Variants in CAP2 observed in about 807,000 individuals in gnomAD.
The protein encoded by CAP2 is cyclase associated actin cytoskeleton regulatory protein 2.
A neutral mutation model predicts 57.7 loss-of-function variants in CAP2; 24 were observed. The observed-to-expected ratio is 0.42, with a 90% CI of 0.30 to 0.58. CAP2 has a LOEUF of 0.58. Among genes scored for constraint, CAP2 ranks in the 20% least tolerant of loss-of-function variants. The pLI is 0.22. For missense variants in CAP2, 501 were observed against 590.3 expected, an observed-to-expected ratio of 0.85 and a Z score of 1.57; for synonymous variants, 194 against 207.2, an observed-to-expected ratio of 0.94 and a Z score of 0.55.
chr6:17,477,350 CTTTAT>C (rs2113617069), intron 4 of CAP2, among the ~76,000 whole-genome samples: 1 of 152,156 alleles, frequency 6.6e-6, no homozygotes, highest in Non-Finnish European at 1.5e-5. Flanking sequence ...ATTTTTGCAC[CTTTAT>C]TTTGAGTCAG....
At chr6:17,429,947 C>T (rs2328103) in intron 3 of CAP2, among the ~76,000 whole-genome samples, 14,095 of 152,196 alleles carry the variant, frequency 0.093, 2,199 homozygotes, top group African/African-American at 0.32. Context: ...GGGGGTTGAA[C>T]TTTATTCCAA....
chr6:17,483,891 C>T (rs1255019105), intron 4 of CAP2, among the ~76,000 whole-genome samples: 1 of 151,956 alleles, frequency 6.6e-6, no homozygotes, highest in African/African-American at 2.4e-5. Context: ...CCTGAAAAAA[C>T]CCAGAGGAGC....
At chr6:17,399,191 G>A (rs370023722) in intron 1 of CAP2, among the ~76,000 whole-genome samples, 1 of 152,182 alleles carries the variant, frequency 6.6e-6, no homozygotes, top group Non-Finnish European at 1.5e-5. Context: ...AGCCTTCCCA[G>A]TGCTGGGATT....
chr6:17,443,285 T>G (rs1760145213), intron 3 of CAP2, among the ~76,000 whole-genome samples: 1 of 152,082 alleles, frequency 6.6e-6, no homozygotes, highest in Admixed American at 6.6e-5. Flanking sequence ...TTTAGAGGAT[T>G]GTTTCCAATG....
intron 7 of CAP2, chr6:17,536,210 T>C (rs994430883): frequency 4.4e-6 from 2 of 456,746 alleles, no homozygotes. Context: ...TAGAAAGTTC[T>C]CCTGTCATGT....
intron 3 of CAP2, among the ~76,000 whole-genome samples, chr6:17,442,391 G>A (rs955038499): frequency 4.6e-5 from 7 of 152,250 alleles, no homozygotes; most frequent in South Asian, 2.1e-4. Flanking sequence ...TTCTGTGTTC[G>A]CTGACATAAG....
intron 3 of CAP2, among the ~76,000 whole-genome samples, chr6:17,444,080 G>A (rs1760175185): frequency 6.6e-6 from 1 of 152,140 alleles, no homozygotes; most frequent in Admixed American, 6.5e-5. Context: ...TCATATACAG[G>A]TAAAGTAGCA....
chr6:17,461,618 C>A (rs141377259), intron 3 of CAP2, among the ~76,000 whole-genome samples: 51 of 152,106 alleles, frequency 3.4e-4, no homozygotes, highest in African/African-American at 1.2e-3. Flanking sequence ...TTCTTAAAAA[C>A]TAGAAAAAAA....
In CAP2 at chr6:17,416,101, G is replaced by A. The variant is rs1279210811; in HGVS notation, c.-1-5454G>A. Reference sequence around the variant, plus strand: ...AAATATGTTCAGAGGGAAAAATAACGAATTACATACCACAATTTTCATTTT... The same window carrying A: ...AAATATGTTCAGAGGGAAAAATAACAAATTACATACCACAATTTTCATTTT... On this transcript the variant is annotated intron_variant, in intron 1 of 12. Coordinates refer to ENST00000229922, the MANE Select transcript of CAP2 (RefSeq NM_006366.3). Among the ~76,000 whole-genome samples, 5 of 151,156 alleles carry A rather than the reference G, an allele frequency of 3.3e-5. No individual in the cohort carries two copies. The East Asian group carries it at 7.7e-4, about 23-fold the overall frequency.
intron 1 of CAP2, among the ~76,000 whole-genome samples, chr6:17,405,319 T>C (rs1311085473): frequency 6.6e-6 from 1 of 152,100 alleles, no homozygotes; most frequent in Non-Finnish European, 1.5e-5. Flanking sequence ...GAGGCAAAGG[T>C]TGCAGTGAGC....
chr6:17,528,847 G>C (rs533648155), intron 7 of CAP2, among the ~76,000 whole-genome samples: 2 of 152,084 alleles, frequency 1.3e-5, no homozygotes, highest in Non-Finnish European at 2.9e-5. Context: ...GCACTTCACT[G>C]TGGTATTATT....
intron 3 of CAP2, among the ~76,000 whole-genome samples, chr6:17,456,144 C>T (rs1260839028): frequency 2.0e-5 from 3 of 152,184 alleles, no homozygotes; most frequent in Admixed American, 2.0e-4. Flanking sequence ...TGTAGAAATG[C>T]GAATTCTCGG....
At chr6:17,445,790 C>T (rs1169708413) in intron 3 of CAP2, among the ~76,000 whole-genome samples, 1 of 152,224 alleles carries the variant, frequency 6.6e-6, no homozygotes, top group Non-Finnish European at 1.5e-5. Flanking sequence ...ACTTGGAAGA[C>T]ATTCTCCCAT....
intron 3 of CAP2, among the ~76,000 whole-genome samples, chr6:17,448,196 T>G (rs1760311959): frequency 6.6e-6 from 1 of 152,272 alleles, no homozygotes; most frequent in African/African-American, 2.4e-5. Flanking sequence ...AGTACCTTGT[T>G]GTCTCTGATT....
rs71536724 is a variant in CAP2 at position 17,398,528 on chromosome 6, C to CTT, written c.-2+4795_-2+4796dup. 1.7e-3 allele frequency among the ~76,000 whole-genome samples: 241 copies of CTT among 144,570 alleles called. 1 individual carries two copies. Among genetic ancestry groups the CTT allele is most frequent in the South Asian group, 5.3e-3 (24 of 4,518 alleles). The allele number at this position is 144,570 out of a possible 152,430, so 94.8% of individuals were successfully genotyped here. ...TATATATAAAATTTACGATTTTAAA[C>CTT]TTTTTTTTTTTTTTGAGACAGAGTC... On this transcript the variant is annotated intron_variant, in intron 1 of 12. Coordinates refer to ENST00000229922, the MANE Select transcript of CAP2 (RefSeq NM_006366.3).
intron 4 of CAP2, among the ~76,000 whole-genome samples, chr6:17,496,027 T>TGGCGGGGG (rs3075209): frequency 1.8e-4 from 8 of 44,312 alleles, no homozygotes; most frequent in African/African-American, 1.0e-3. Context: ...CGTGTGTGGG[T>TGGCGGGGG]GGGGGGGGGG....
chr6:17,497,130 G>T (rs780337027), intron 4 of CAP2, among the ~76,000 whole-genome samples: 1 of 152,138 alleles, frequency 6.6e-6, no homozygotes, highest in Non-Finnish European at 1.5e-5. Context: ...CTATTTCAAA[G>T]AACTAATTTC....
chr6:17,532,111 C>T (rs1029856066), intron 7 of CAP2, among the ~76,000 whole-genome samples: 2 of 151,142 alleles, frequency 1.3e-5, no homozygotes, highest in African/African-American at 2.4e-5. Flanking sequence ...TTCTCTACTA[C>T]CTCTATTGTT....
chr6:17,468,800 G>A lies in CAP2; in HGVS notation c.300+5727G>A, dbSNP rs771069355. On this transcript the variant is annotated intron_variant, in intron 4 of 12. Coordinates refer to ENST00000229922, the MANE Select transcript of CAP2 (RefSeq NM_006366.3). ...TACTTTTACAGCAGGTGAGCATAGAGGAAGTATGTTATTTCTAGTTCTCAA... is the reference window on the plus strand; with the variant it reads ...TACTTTTACAGCAGGTGAGCATAGAAGAAGTATGTTATTTCTAGTTCTCAA... Among the ~76,000 whole-genome samples, 14 of 152,318 alleles carry A rather than the reference G, an allele frequency of 9.2e-5. No homozygotes were observed. The South Asian group carries it at 2.9e-3, about 32-fold the overall frequency.
Sources: gnomAD v4.1 joint callset for allele counts (sites outside exome capture counted in the v4.1 genomes callset) on GRCh38, gnomAD v4.1.1 for gene constraint, MANE v1.5 for transcripts, NCBI Gene and HGNC (gene_info 2026-07-23, HGNC 2026-07-21) for gene names.